CDH12: variants seen among roughly 807,000 people sequenced by gnomAD.
CDH12 encodes the protein cadherin-12.
CDH12 carries 41 observed loss-of-function variants against 74.1 expected under a neutral mutation model. The observed-to-expected ratio is 0.55, with a 90% CI of 0.43 to 0.72. The LOEUF is 0.72. CDH12 is among the 30% of genes least tolerant of loss of function. The pLI is 0.00. For missense variants in CDH12, 945 were observed against 977.2 expected (o/e 0.97, Z 0.44); for synonymous variants, 399 against 355.0 (o/e 1.12, Z -1.39).
At chr5:22,130,796 C>G (rs563262119) in intron 4 of CDH12, among the ~76,000 whole-genome samples, 7 of 151,820 alleles carry the variant, frequency 4.6e-5, no homozygotes, top group African/African-American at 1.7e-4. Context: ...TTGTATATCC[C>G]CTGCACATTT....
At chr5:21,950,505 T>A (rs1755802112) in intron 6 of CDH12, among the ~76,000 whole-genome samples, 1 of 151,494 alleles carries the variant, frequency 6.6e-6, no homozygotes, top group Non-Finnish European at 1.5e-5. Context: ...ATAAAAGGCC[T>A]ATAGAAACCA....
intron 5 of CDH12, among the ~76,000 whole-genome samples, chr5:22,037,338 A>C (rs1739260347): frequency 1.3e-5 from 2 of 152,232 alleles, no homozygotes; most frequent in South Asian, 4.1e-4. Context: ...TCAAAGAAGG[A>C]AATTTGACTA....
At chr5:21,826,733 G>C (rs902021802) in intron 8 of CDH12, among the ~76,000 whole-genome samples, 4 of 152,084 alleles carry the variant, frequency 2.6e-5, no homozygotes, top group Non-Finnish European at 5.9e-5. Flanking sequence ...TTCTTTAAGA[G>C]GAATAGACAC....
intron 3 of CDH12, among the ~76,000 whole-genome samples, chr5:22,280,188 T>C (rs1580475990): frequency 6.6e-6 from 1 of 152,206 alleles, no homozygotes; most frequent in East Asian, 1.9e-4. Flanking sequence ...TTCAGAAGTG[T>C]CTATTCATAT....
chr5:22,053,069 TTTG>T (rs1478422728), intron 5 of CDH12, among the ~76,000 whole-genome samples: 41 of 150,722 alleles, frequency 2.7e-4, no homozygotes, highest in African/African-American at 9.2e-4. Flanking sequence ...TCTCGTTTTT[TTTG>T]TTTTTTTTTT....
intron 3 of CDH12, among the ~76,000 whole-genome samples, chr5:22,297,115 G>T (rs775671423): frequency 1.7e-4 from 26 of 151,922 alleles, no homozygotes; most frequent in Non-Finnish European, 3.4e-4. Context: ...TCCACTTCCC[G>T]GGTTCAAGCG....
intron 3 of CDH12, among the ~76,000 whole-genome samples, chr5:22,221,159 T>C (rs1040365082): frequency 6.6e-6 from 1 of 151,992 alleles, no homozygotes; most frequent in African/African-American, 2.4e-5. Context: ...GGCTTTGTAG[T>C]AGAAATAGAC....
At chr5:22,255,217 C>A (rs1388170804) in intron 3 of CDH12, among the ~76,000 whole-genome samples, 1 of 150,668 alleles carries the variant, frequency 6.6e-6, no homozygotes, top group Non-Finnish European at 1.5e-5. Flanking sequence ...GGGAAGTGAC[C>A]TTTTTAATTG....
At chr5:22,534,134 A>G (rs1230583805) in intron 1 of CDH12, among the ~76,000 whole-genome samples, 3 of 152,158 alleles carry the variant, frequency 2.0e-5, no homozygotes, top group Non-Finnish European at 2.9e-5. Flanking sequence ...CCTTGCTTTA[A>G]TCAATAGATT....
chr5:22,724,434 C>A (rs529029054), intron 1 of CDH12, among the ~76,000 whole-genome samples: 1 of 151,808 alleles, frequency 6.6e-6, no homozygotes. Context: ...ATTCTTATGC[C>A]TTGGCATACT....
intron 3 of CDH12, among the ~76,000 whole-genome samples, chr5:22,341,923 G>A (rs1235703478): frequency 2.0e-5 from 3 of 151,718 alleles, no homozygotes; most frequent in Non-Finnish European, 4.4e-5. Context: ...GTCAGTTTGG[G>A]CTACTATAAA....
intron 6 of CDH12, chr5:21,889,739 T>C (rs899740571): frequency 7.1e-6 from 7 of 984,572 alleles, no homozygotes; most frequent in Non-Finnish European, 8.4e-6. Context: ...TGGGGTTTTG[T>C]TTGCTTTCTT....
intron 1 of CDH12, among the ~76,000 whole-genome samples, chr5:22,554,366 T>A (rs1439930022): frequency 6.6e-6 from 1 of 152,050 alleles, no homozygotes; most frequent in Non-Finnish European, 1.5e-5. Flanking sequence ...TACCACTCTG[T>A]TGGGAGATGT....
chr5:21,752,075 C>T lies in CDH12; in HGVS notation c.2047G>A (p.Val683Met). 6.2e-7 allele frequency: 1 copy of T among 1,614,108 alleles called. No homozygotes were observed. The highest frequency in any genetic ancestry group is 8.5e-7 in the Non-Finnish European group (1 of 1,180,008). Residue 683 changes from valine to methionine, a missense_variant, in exon 15 of 15, where the codon GTG becomes ATG. Physicochemically the swap from Val to Met is conservative, Grantham distance 21. Transcript: ENST00000382254. ...FDIGALRNPK[V>M]IEENKIRRDI... ...CTGCGAATTTTGTTCTCCTCAATCA[C>T]TTTTGGGTTTCTCAGAGCCCCGATG...
Position 21,996,122 on chromosome 5 carries a change from T to G in CDH12, c.232-20737A>C, listed in dbSNP as rs550418830. 5.0e-3 allele frequency among the ~76,000 whole-genome samples: 736 copies of G among 146,426 alleles called. 2 individuals carry two copies. The highest frequency in any genetic ancestry group is 0.01 in the Middle Eastern group (3 of 286). Reference sequence around the variant, plus strand: ...ACACACACGTTTTTTTTTTTTTTTTTTTTTTTTTTTCCAATGCCTGCTTGA... The same window carrying G: ...ACACACACGTTTTTTTTTTTTTTTTGTTTTTTTTTTCCAATGCCTGCTTGA... On this transcript the variant is annotated intron_variant, in intron 5 of 14. Coordinates refer to ENST00000382254, the MANE Select transcript of CDH12 (RefSeq NM_004061.5).
chr5:22,162,962 T>A (rs1390960003), intron 4 of CDH12, among the ~76,000 whole-genome samples: 1 of 148,728 alleles, frequency 6.7e-6, no homozygotes, highest in Non-Finnish European at 1.5e-5. Context: ...AGTGGCGCGA[T>A]CTCTGCTCAC....
chr5:22,821,001 C>T (rs1448663915), intron 1 of CDH12, among the ~76,000 whole-genome samples: 1 of 152,134 alleles, frequency 6.6e-6, no homozygotes, highest in Non-Finnish European at 1.5e-5. Context: ...TACTGGCAAA[C>T]CGAATCCAGC....
intron 3 of CDH12, among the ~76,000 whole-genome samples, chr5:22,384,861 A>G (rs1393360069): frequency 6.6e-6 from 1 of 152,202 alleles, no homozygotes; most frequent in Non-Finnish European, 1.5e-5. Flanking sequence ...TTCAGTTAAT[A>G]CAAGCCTTGG....
intron 9 of CDH12, among the ~76,000 whole-genome samples, chr5:21,813,993 T>C (rs1293652122): frequency 6.6e-6 from 1 of 152,092 alleles, no homozygotes; most frequent in Non-Finnish European, 1.5e-5. Flanking sequence ...CACTGCCCTA[T>C]CTCCATAGTG....
Sources: gnomAD v4.1 joint callset for allele counts (sites outside exome capture counted in the v4.1 genomes callset) on GRCh38, gnomAD v4.1.1 for gene constraint, MANE v1.5 for transcripts, NCBI Gene and HGNC (gene_info 2026-07-23, HGNC 2026-07-21) for gene names.